Variants in UNC80 observed in about 807,000 individuals in gnomAD.
UNC80 encodes protein unc-80 homolog.
UNC80 carries 164 observed loss-of-function variants against 384.6 expected under a neutral mutation model. The observed-to-expected ratio is 0.43, with a 90% CI of 0.38 to 0.49. The LOEUF is 0.49. UNC80 is among the 20% of genes least tolerant of loss of function. The pLI is 0.00. For missense variants in UNC80, 3,330 were observed against 4,143.0 expected (o/e 0.80, Z 5.39); for synonymous variants, 1,486 against 1,527.8 (o/e 0.97, Z 0.64).
chr2:209,825,812 A>T, intron 13 of UNC80, 95 bp from the exon 14 acceptor site: 1 of 1,197,980 alleles, frequency 8.3e-7, no homozygotes, highest in Non-Finnish European at 1.1e-6. Context: ...TGTAAAACAT[A>T]TAAACTTGAT....
intron 28 of UNC80, among the ~76,000 whole-genome samples, chr2:209,898,608 C>T (rs181046599): frequency 3.9e-5 from 6 of 152,166 alleles, no homozygotes; most frequent in South Asian, 2.1e-4. Flanking sequence ...AAGCATTTAT[C>T]GTTTGTGTTA....
intron 24 of UNC80, among the ~76,000 whole-genome samples, chr2:209,879,760 G>A (rs1344830580): frequency 1.3e-5 from 2 of 152,128 alleles, no homozygotes; most frequent in Non-Finnish European, 2.9e-5. Flanking sequence ...TGATTATGGT[G>A]CAAGCAACTT....
chr2:209,887,550 G>T (rs1195384450), intron 25 of UNC80, among the ~76,000 whole-genome samples: 1 of 152,160 alleles, frequency 6.6e-6, no homozygotes, highest in Non-Finnish European at 1.5e-5. Context: ...CATATTCACA[G>T]GTCCCAGGGA....
chr2:209,820,409 T>G lies in UNC80; in HGVS notation c.2061T>G (p.Gly687=). Residue 687 remains glycine, a synonymous_variant, in exon 13 of 65, where the codon GGT becomes GGG. Coordinates refer to ENST00000673920, the MANE Select transcript of UNC80 (RefSeq NM_001371986.1). ...TTGTGGAATGCTTGCTTCAACTTGGTGTGGTGCCCTGTGTAGAAAAGAATA... is the reference window on the plus strand; with the variant it reads ...TTGTGGAATGCTTGCTTCAACTTGGGGTGGTGCCCTGTGTAGAAAAGAATA... ...LNIVECLLQL[G]VVPCVEKNRK... 1.3e-6 allele frequency: 2 copies of G among 1,551,852 alleles called. No individual in the cohort carries two copies. The highest frequency in any genetic ancestry group is 1.7e-6 in the Non-Finnish European group (2 of 1,147,020).
At position 209,825,961 on chromosome 2, in the gene UNC80, A is replaced by G. The variant is rs1454290406; in HGVS notation, c.2386A>G (p.Ile796Val). The G allele has an allele frequency of 5.8e-6, 9 of 1,550,964 alleles. No individual in the cohort carries two copies. In the South Asian group the frequency reaches 1.1e-4, roughly 18 times the overall value. ...GCTTGCTCTAACAATGCTCATCAAA[A>G]TAGTGAAGTCTTTGGGATGTGCCTA... ...HRLALTMLIK[I>V]VKSLGCAYGC... is the part of the protein sequence containing the mutation. The change falls in exon 14 of 65, where the codon ATA becomes GTA. Residue 796 changes from isoleucine (I) to valine (V), a missense_variant. Transcript: ENST00000673920.
At chr2:209,903,320 ATGTGTGTGTGTG>A (rs34002751) in intron 28 of UNC80, among the ~76,000 whole-genome samples, 16 of 105,788 alleles carry the variant, frequency 1.5e-4, no homozygotes, top group East Asian at 8.2e-4. Context: ...ATTATATTAT[ATGTGTGTGTGTG>A]TGTGTGTGTG....
At chr2:209,874,346 G>T (rs1309375705) in intron 23 of UNC80, among the ~76,000 whole-genome samples, 1 of 152,098 alleles carries the variant, frequency 6.6e-6, no homozygotes, top group Non-Finnish European at 1.5e-5. Flanking sequence ...TTATTGAGAG[G>T]CTTCTCTGAA....
At chr2:209,874,594 A>C (rs961185096) in intron 23 of UNC80, among the ~76,000 whole-genome samples, 1 of 152,002 alleles carries the variant, frequency 6.6e-6, no homozygotes, top group African/African-American at 2.4e-5. Flanking sequence ...GTTTCCTTGC[A>C]CCTCTGTGCC....
At chr2:209,915,494 G>A (rs770431526) in intron 31 of UNC80, among the ~76,000 whole-genome samples, 1 of 151,868 alleles carries the variant, frequency 6.6e-6, no homozygotes, top group Admixed American at 6.6e-5. Context: ...AACTAACATG[G>A]CTAGCATGGC....
At position 209,888,092 on chromosome 2, in the gene UNC80, T is replaced by C. The variant is rs1473129333; in HGVS notation, c.4111-3T>C. The C allele has an allele frequency of 1.9e-6, 3 of 1,551,502 alleles. No homozygotes were observed. The East Asian group carries it at 7.3e-5, about 38-fold the overall frequency. Reference sequence around the variant, plus strand: ...ACTCATGTGCTCCTCACTGGCATTTTAGGACTTGGAGAGCTGCAGACTTCG... The same window carrying C: ...ACTCATGTGCTCCTCACTGGCATTTCAGGACTTGGAGAGCTGCAGACTTCG... On this transcript the variant is annotated splice_polypyrimidine_tract_variant and splice_region_variant and intron_variant, in intron 25 of 64. Transcript: ENST00000673920.
chr2:209,774,196 C>G (rs991154400), intron 2 of UNC80, among the ~76,000 whole-genome samples: 4 of 152,130 alleles, frequency 2.6e-5, no homozygotes, highest in African/African-American at 9.7e-5. Flanking sequence ...ACATACATGC[C>G]CACTCACGTA....
At chr2:209,873,029 TTTGA>T (rs1418840402) in intron 23 of UNC80, 59 bp downstream of exon 23, 1 of 1,440,934 alleles carries the variant, frequency 6.9e-7, no homozygotes, top group Non-Finnish European at 9.5e-7. Context: ...GGAGTCATTT[TTTGA>T]TTGATTGTGT....
At chr2:209,888,355 ATTG>A (rs2086021868) in intron 26 of UNC80, 95 bp downstream of exon 26, 1 of 1,292,016 alleles carries the variant, frequency 7.7e-7, no homozygotes, top group African/African-American at 1.5e-5. Context: ...GTGTACCCAA[ATTG>A]TTGACTTCCT....
rs554565630 is a variant in UNC80, at chr2:209,833,276, CAAAAAAA to C, written c.2776-712_2776-706del. On this transcript the variant is annotated intron_variant, in intron 16 of 64. Coordinates refer to ENST00000673920, the MANE Select transcript of UNC80 (RefSeq NM_001371986.1). ...GCCTTGCCATGAACTTTTCCTAAGGCAAAAAAAAAAAAAAAAAAAATACAGTAACTAC... is the reference window on the plus strand; with the variant it reads ...GCCTTGCCATGAACTTTTCCTAAGGCAAAAAAAAAAAAATACAGTAACTAC... 2.6e-3 allele frequency among the ~76,000 whole-genome samples: 249 copies of C among 97,342 alleles called. 1 individual carries two copies. Among genetic ancestry groups the C allele is most frequent in the Non-Finnish European group, 3.7e-3 (170 of 45,894 alleles). 63.9% of individuals were successfully genotyped at this position (97,342 alleles called of 152,430 possible).
intron 24 of UNC80, among the ~76,000 whole-genome samples, chr2:209,879,772 C>A (rs908140434): frequency 6.6e-6 from 1 of 152,106 alleles, no homozygotes; most frequent in Non-Finnish European, 1.5e-5. Flanking sequence ...AAGCAACTTT[C>A]GGGCTGGAAA....
At chr2:209,949,165 G>C (rs2092042130) in intron 47 of UNC80, among the ~76,000 whole-genome samples, 1 of 152,058 alleles carries the variant, frequency 6.6e-6, no homozygotes, top group South Asian at 2.1e-4. Context: ...TCTTTAAAAA[G>C]GTCTTATCTA....
chr2:209,808,745 G>C, intron 7 of UNC80: 1 of 43,298 alleles, frequency 2.3e-5, no homozygotes, highest in Non-Finnish European at 3.8e-5. Flanking sequence ...GCTCGGCCTA[G>C]TGAGTGGGTC....
intron 52 of UNC80, 32 bp downstream of exon 52, chr2:209,967,669 C>T: frequency 1.9e-6 from 3 of 1,540,252 alleles, no homozygotes; most frequent in Non-Finnish European, 1.8e-6. Flanking sequence ...CTGTTGCTAT[C>T]ACAAATGTCA....
At chr2:209,864,540 G>C (rs1330466167) in intron 22 of UNC80, among the ~76,000 whole-genome samples, 2 of 152,278 alleles carry the variant, frequency 1.3e-5, no homozygotes, top group African/African-American at 4.8e-5. Context: ...TCCAGATTCT[G>C]TTCCTGAGCC....
Sources: allele counts gnomAD v4.1 joint callset (sites outside exome capture counted in the v4.1 genomes callset), GRCh38; gene constraint gnomAD v4.1.1; transcripts MANE v1.5; gene names NCBI Gene and HGNC (gene_info 2026-07-23, HGNC 2026-07-21).